The following PTPRD variants were observed in gnomAD, a reference collection of about 807,000 sequenced individuals.
PTPRD encodes the protein receptor-type tyrosine-protein phosphatase delta.
A neutral mutation model predicts 214.5 loss-of-function variants in PTPRD; 34 were observed. That is an observed-to-expected ratio of 0.16 (90% CI 0.12 to 0.21). The LOEUF is 0.21. Ranked by LOEUF, PTPRD falls within the 10% of genes least tolerant of loss-of-function variation. The pLI is 1.00. For synonymous variants in PTPRD, 1,128 were observed against 845.7 expected (o/e 1.33, Z -5.79); for missense variants, 2,545 against 2,398.7 (o/e 1.06, Z -1.27).
Position 9,703,994 on chromosome 9 carries a change from C to T in PTPRD, c.-287+30539G>A, listed in dbSNP as rs74441472. Reference sequence around the variant, plus strand: ...TGATCTCCCAGGCTCAAACAATTTCCACCTCAGCCTCCCAAGTAGCTGGGA... The same window carrying T: ...TGATCTCCCAGGCTCAAACAATTTCTACCTCAGCCTCCCAAGTAGCTGGGA... On this transcript the variant is annotated intron_variant, in intron 7 of 45. Transcript: ENST00000381196. Among the ~76,000 whole-genome samples the T allele has an allele frequency of 2.4e-3, 366 of 152,254 alleles. 12 individuals are homozygous for T. The East Asian group carries it at 0.058, about 24-fold the overall frequency.
Position 9,993,444 on chromosome 9 carries a change from G to A in PTPRD, c.-472+40274C>T, listed in dbSNP as rs184313085. On this transcript the variant is annotated intron_variant, in intron 4 of 45. Coordinates refer to ENST00000381196, the MANE Select transcript of PTPRD (RefSeq NM_002839.4). The stretch of plus-strand genomic sequence containing the variant: ...TTAAAGGGATAAGTAGTGGTGAGAT[G>A]ATCTTATAATAAAATATTAAGCAGC... Among the ~76,000 whole-genome samples the A allele has an allele frequency of 9.7e-4, 147 of 152,264 alleles. 1 individual carries two copies. Among genetic ancestry groups the A allele is most frequent in the Non-Finnish European group, 6.9e-4 (47 of 68,018 alleles).
intron 43 of PTPRD, among the ~76,000 whole-genome samples, chr9:8,338,209 C>A (rs1848871205): frequency 6.6e-6 from 1 of 152,110 alleles, no homozygotes; most frequent in Admixed American, 6.6e-5. Flanking sequence ...TTGAACTGAC[C>A]TGGTCTCCCT....
chr9:9,052,500 G>C (rs554926663), intron 10 of PTPRD, among the ~76,000 whole-genome samples: 1 of 152,130 alleles, frequency 6.6e-6, no homozygotes, highest in Non-Finnish European at 1.5e-5. Context: ...TTCAATGTAT[G>C]AGTAAAACTA....
At chr9:9,635,937 G>GA (rs961870474) in intron 7 of PTPRD, among the ~76,000 whole-genome samples, 27 of 152,078 alleles carry the variant, frequency 1.8e-4, no homozygotes, top group East Asian at 1.9e-4. Flanking sequence ...ATTCACAGCA[G>GA]AAAAAAATGA....
At chr9:10,512,607 T>C (rs370058094) in intron 2 of PTPRD, among the ~76,000 whole-genome samples, 2 of 152,152 alleles carry the variant, frequency 1.3e-5, no homozygotes, top group South Asian at 2.1e-4. Flanking sequence ...TCATTTCTCA[T>C]GGTGAGTCAG....
chr9:8,810,667 A>G (rs1258203972), intron 11 of PTPRD, among the ~76,000 whole-genome samples: 1 of 152,180 alleles, frequency 6.6e-6, no homozygotes, highest in African/African-American at 2.4e-5. Context: ...TTTATTTGCC[A>G]TTCTCCAGTT....
intron 11 of PTPRD, among the ~76,000 whole-genome samples, chr9:8,967,806 G>A (rs1426072132): frequency 6.6e-6 from 1 of 152,032 alleles, no homozygotes; most frequent in Non-Finnish European, 1.5e-5. Context: ...ACAACGTGCA[G>A]GTGTGTTACA....
intron 5 of PTPRD, among the ~76,000 whole-genome samples, chr9:9,843,511 G>A (rs1247683454): frequency 1.3e-5 from 2 of 150,370 alleles, no homozygotes; most frequent in Non-Finnish European, 2.9e-5. Flanking sequence ...ATCTTATAAG[G>A]TTTTATAAGA....
At chr9:9,491,932 G>C (rs1368915439) in intron 8 of PTPRD, among the ~76,000 whole-genome samples, 2 of 151,862 alleles carry the variant, frequency 1.3e-5, no homozygotes, top group Non-Finnish European at 2.9e-5. Context: ...AAAAACAGTA[G>C]AGTAAATCAA....
intron 5 of PTPRD, among the ~76,000 whole-genome samples, chr9:9,782,008 G>A (rs1210195630): frequency 6.6e-6 from 1 of 152,058 alleles, no homozygotes; most frequent in Non-Finnish European, 1.5e-5. Context: ...TAACCAGGAT[G>A]GTCTCGATCT....
chr9:9,483,563 C>G (rs2095504499), intron 8 of PTPRD, among the ~76,000 whole-genome samples: 1 of 152,042 alleles, frequency 6.6e-6, no homozygotes, highest in African/African-American at 2.4e-5. Flanking sequence ...AAGGAAGCAA[C>G]TTGTGGGTAT....
chr9:9,797,196 A>G (rs1476489031), intron 5 of PTPRD, among the ~76,000 whole-genome samples: 1 of 149,158 alleles, frequency 6.7e-6, no homozygotes, highest in Non-Finnish European at 1.5e-5. Context: ...TAAAATATCT[A>G]GATTTATACC....
chr9:8,751,797 G>A (rs2093561694), intron 11 of PTPRD, among the ~76,000 whole-genome samples: 1 of 152,254 alleles, frequency 6.6e-6, no homozygotes, highest in African/African-American at 2.4e-5. Flanking sequence ...GAGACTACCA[G>A]TATTTAACCC....
intron 10 of PTPRD, among the ~76,000 whole-genome samples, chr9:9,093,855 A>G (rs989738005): frequency 2.0e-5 from 3 of 151,886 alleles, no homozygotes; most frequent in African/African-American, 7.2e-5. Context: ...CAGAAATACA[A>G]TACAGAAGGC....
At chr9:8,395,423 T>C (rs949901270) in intron 36 of PTPRD, among the ~76,000 whole-genome samples, 7 of 151,540 alleles carry the variant, frequency 4.6e-5, no homozygotes, top group African/African-American at 1.7e-4. Context: ...AGCAAATTGA[T>C]TAAATTCTAA....
chr9:8,587,408 T>C (rs559066890), intron 14 of PTPRD, among the ~76,000 whole-genome samples: 11 of 152,224 alleles, frequency 7.2e-5, no homozygotes, highest in Non-Finnish European at 1.3e-4. Context: ...TTCTTCTAAT[T>C]TCACTGACCT....
intron 3 of PTPRD, among the ~76,000 whole-genome samples, chr9:10,136,097 T>C (rs920492431): frequency 6.6e-6 from 1 of 151,702 alleles, no homozygotes; most frequent in Non-Finnish European, 1.5e-5. Flanking sequence ...TTATACTAGA[T>C]AAAGCACACT....
At chr9:10,074,237 T>G (rs1163414093) in intron 3 of PTPRD, among the ~76,000 whole-genome samples, 1 of 152,146 alleles carries the variant, frequency 6.6e-6, no homozygotes, top group South Asian at 2.1e-4. Flanking sequence ...CATGGGCCAG[T>G]TGGCTTTATT....
At chr9:10,207,617 G>C (rs2099490170) in intron 3 of PTPRD, among the ~76,000 whole-genome samples, 1 of 151,818 alleles carries the variant, frequency 6.6e-6, no homozygotes, top group Admixed American at 6.6e-5. Context: ...ACTTGACTCA[G>C]AATGTATGTT....
Sources: allele counts gnomAD v4.1 joint callset (sites outside exome capture counted in the v4.1 genomes callset), GRCh38; gene constraint gnomAD v4.1.1; transcripts MANE v1.5; gene names NCBI Gene and HGNC (gene_info 2026-07-23, HGNC 2026-07-21).